Variants in TENM3 observed in about 807,000 individuals in gnomAD.
TENM3 encodes the protein teneurin transmembrane protein 3.
Under a neutral mutation model 255.1 loss-of-function variants are expected in TENM3, and 63 were observed. The ratio of observed to expected loss-of-function variants is 0.25; its 90% CI spans 0.20 to 0.30. The LOEUF is 0.30. Ranked by LOEUF, TENM3 falls within the 10% of genes least tolerant of loss-of-function variation. The probability of loss-of-function intolerance (pLI) is 1.00; values close to 1 mark genes in which losing one functional copy is unlikely to be tolerated. For missense variants in TENM3, 2,929 were observed against 3,461.1 expected, an observed-to-expected ratio of 0.85 and a Z score of 3.86; for synonymous variants, 1,306 against 1,322.3, an observed-to-expected ratio of 0.99 and a Z score of 0.27.
the TENM3 span, among the ~76,000 whole-genome samples, chr4:182,023,685 G>A: frequency 0.82 from 124,914 of 152,182 alleles, 55,056 homozygotes; most frequent in East Asian, 0.99. Flanking sequence ...ATTTGTTTGC[G>A]TGTTTGTTTT....
intron 3 of TENM3, among the ~76,000 whole-genome samples, chr4:182,500,403 T>G (rs1037235525): frequency 3.3e-5 from 5 of 152,064 alleles, no homozygotes; most frequent in African/African-American, 9.7e-5. Flanking sequence ...AGAAAAATGG[T>G]CAGCATTATT....
intron 3 of TENM3, among the ~76,000 whole-genome samples, chr4:182,381,718 C>T (rs1304356052): frequency 6.6e-6 from 1 of 152,088 alleles, no homozygotes; most frequent in African/African-American, 2.4e-5. Flanking sequence ...TGCACCACCA[C>T]GCCCGGCTAA....
At chr4:182,581,337 G>A (rs1398978818) in intron 3 of TENM3, among the ~76,000 whole-genome samples, 3 of 152,156 alleles carry the variant, frequency 2.0e-5, no homozygotes, top group Non-Finnish European at 4.4e-5. Flanking sequence ...TAATAATGCT[G>A]TCTCAAATAT....
chr4:182,135,711 T>C, the TENM3 span, among the ~76,000 whole-genome samples: 1 of 152,366 alleles, frequency 6.6e-6, no homozygotes, highest in Admixed American at 6.5e-5. Context: ...GTGGTATTGA[T>C]GATGTAAACA....
At chr4:182,315,590 G>T (rs1762708826) in intron 1 of TENM3, among the ~76,000 whole-genome samples, 1 of 151,956 alleles carries the variant, frequency 6.6e-6, no homozygotes, top group South Asian at 2.1e-4. Context: ...CATTTCTTGT[G>T]TTTGGGGCTT....
the TENM3 span, among the ~76,000 whole-genome samples, chr4:181,696,491 A>G: frequency 3.3e-5 from 5 of 152,174 alleles, no homozygotes; most frequent in Admixed American, 3.3e-4. Flanking sequence ...GAAACATTCT[A>G]CCCACTTTAA....
the TENM3 span, among the ~76,000 whole-genome samples, chr4:181,563,866 C>T: frequency 1.3e-5 from 2 of 152,074 alleles, no homozygotes; most frequent in East Asian, 3.9e-4. Context: ...TACAGTAGAC[C>T]AACAGGGTCT....
At chr4:182,137,596 C>T in the TENM3 span, among the ~76,000 whole-genome samples, 4 of 152,124 alleles carry the variant, frequency 2.6e-5, no homozygotes, top group East Asian at 1.9e-4. Context: ...ATGACACAGT[C>T]GGAGCAGTAT....
At chr4:182,700,167 C>T (rs1212590770) in intron 12 of TENM3, among the ~76,000 whole-genome samples, 1 of 152,114 alleles carries the variant, frequency 6.6e-6, no homozygotes, top group African/African-American at 2.4e-5. Context: ...GTTTATGAGG[C>T]TTTGAAGTAA....
At chr4:181,550,213 G>C in the TENM3 span, among the ~76,000 whole-genome samples, 1 of 152,126 alleles carries the variant, frequency 6.6e-6, no homozygotes, top group Non-Finnish European at 1.5e-5. Flanking sequence ...TTTTTCCCCA[G>C]TATGAGATTT....
intron 3 of TENM3, among the ~76,000 whole-genome samples, chr4:182,538,078 T>C (rs1740512801): frequency 1.3e-5 from 2 of 152,242 alleles, no homozygotes; most frequent in South Asian, 2.1e-4. Flanking sequence ...CTTAAATATA[T>C]ACATTAATTA....
the TENM3 span, among the ~76,000 whole-genome samples, chr4:181,811,311 A>G: frequency 1.3e-5 from 2 of 152,172 alleles, no homozygotes; most frequent in Non-Finnish European, 2.9e-5. Context: ...TGTTATATAT[A>G]CCTGGTTCAG....
At chr4:181,994,034 A>T in the TENM3 span, among the ~76,000 whole-genome samples, 1 of 152,182 alleles carries the variant, frequency 6.6e-6, no homozygotes, top group Admixed American at 6.5e-5. Context: ...AAATATATTC[A>T]TTACATTCAT....
At chr4:181,662,342 G>T in the TENM3 span, among the ~76,000 whole-genome samples, 6 of 152,118 alleles carry the variant, frequency 3.9e-5, no homozygotes, top group African/African-American at 1.4e-4. Flanking sequence ...ATTTTCATTT[G>T]ATTTTAACAA....
At chr4:181,719,078 C>A in the TENM3 span, among the ~76,000 whole-genome samples, 2 of 151,146 alleles carry the variant, frequency 1.3e-5, no homozygotes, top group Admixed American at 6.6e-5. Flanking sequence ...CGGTGGCGGG[C>A]GCCTGTAGTC....
At chr4:182,348,447 A>G (rs1474480617) in intron 3 of TENM3, among the ~76,000 whole-genome samples, 4 of 152,132 alleles carry the variant, frequency 2.6e-5, no homozygotes, top group Non-Finnish European at 5.9e-5. Context: ...AATGGCAGGT[A>G]CCATGGTCAT....
chr4:182,138,537 A>C, the TENM3 span, among the ~76,000 whole-genome samples: 1 of 152,212 alleles, frequency 6.6e-6, no homozygotes, highest in Admixed American at 6.5e-5. Context: ...AGACAGGAAC[A>C]AACAAAGATT....
chr4:182,299,225 A>G (rs1761703617), intron 1 of TENM3, among the ~76,000 whole-genome samples: 1 of 151,968 alleles, frequency 6.6e-6, no homozygotes, highest in Non-Finnish European at 1.5e-5. Flanking sequence ...TTGAAAAATG[A>G]AAAACAGATT....
At chr4:182,103,203 T>A in the TENM3 span, among the ~76,000 whole-genome samples, 1 of 152,186 alleles carries the variant, frequency 6.6e-6, no homozygotes, top group Non-Finnish European at 1.5e-5. Context: ...AGCTAAAAAG[T>A]CTCTGGACAT....
Sources: gnomAD v4.1 joint callset for allele counts (sites outside exome capture counted in the v4.1 genomes callset) on GRCh38, gnomAD v4.1.1 for gene constraint, MANE v1.5 for transcripts, NCBI Gene and HGNC (gene_info 2026-07-23, HGNC 2026-07-21) for gene names.